Variants in IFT81 observed in about 807,000 individuals in gnomAD.
IFT81 encodes the protein intraflagellar transport 81.
In IFT81, 72 loss-of-function variants were observed where a neutral mutation model predicts 102.6. The observed-to-expected ratio is 0.70, with a 90% CI of 0.58 to 0.85. IFT81 has a LOEUF of 0.85. Among genes scored for constraint, IFT81 ranks in the 40% least tolerant of loss-of-function variants. The pLI, the probability that IFT81 is intolerant of heterozygous loss-of-function variation, is 0.00. For synonymous variants in IFT81, 237 were observed against 242.7 expected (o/e 0.98, Z 0.22); for missense variants, 723 against 787.3 (o/e 0.92, Z 0.98).
chr12:110,206,179 G>T (rs977233011), intron 17 of IFT81, among the ~76,000 whole-genome samples: 7 of 152,206 alleles, frequency 4.6e-5, no homozygotes, highest in Non-Finnish European at 8.8e-5. Context: ...TGTGCAGTGT[G>T]ATGACTGCAT....
chr12:110,203,748 G>A, intron 14 of IFT81, 116 bp from the exon 15 acceptor site: 1 of 703,046 alleles, frequency 1.4e-6, no homozygotes, highest in Non-Finnish European at 2.6e-6. Context: ...TAACTCTTAA[G>A]TATGCCAAGA....
intron 11 of IFT81, among the ~76,000 whole-genome samples, chr12:110,172,870 C>T (rs1170903396): frequency 1.3e-5 from 2 of 151,692 alleles, no homozygotes; most frequent in East Asian, 1.9e-4. Context: ...GTGAGGAGCC[C>T]CTCTGCCTGG....
Position 110,218,359 on chromosome 12 carries a change from T to C in IFT81, c.*133T>C. On this transcript the variant is annotated 3_prime_UTR_variant, in exon 19 of 19. Coordinates refer to ENST00000242591, the MANE Select transcript of IFT81 (RefSeq NM_014055.4). ...AGAGCCATTCTTTATTAAGTTTTCA[T>C]AGAAAATAATGTTAAGGTAGATTTA... 1.7e-6 allele frequency: 1 copy of C among 601,530 alleles called. No homozygotes were observed. 37.3% of individuals were successfully genotyped at this position (601,530 alleles called of 1,614,324 possible). A position where few individuals can be genotyped will look rare whatever the true frequency, so the allele number is the denominator to read the frequency against.
At chr12:110,187,829 C>T (rs1357850230) in intron 12 of IFT81, among the ~76,000 whole-genome samples, 1 of 151,976 alleles carries the variant, frequency 6.6e-6, no homozygotes, top group African/African-American at 2.4e-5. Context: ...GTTCTCGTAC[C>T]TGTGGTAGAG....
chr12:110,163,009 G>A lies in IFT81; in HGVS notation c.1132G>A (p.Val378Ile), dbSNP rs1262285148. 1.2e-6 allele frequency: 2 copies of A among 1,613,996 alleles called. No homozygotes were observed. Among genetic ancestry groups the A allele is most frequent in the Admixed American group, 1.7e-5 (1 of 60,012 alleles). ...AGCCAGCCTAGAGAGAGAAGCATCA[G>A]TAAAGAGAAATCAGACCCGTGAATT... Reference protein sequence around the residue: ...KLASLEREASVKRNQTREFDG... With the variant: ...KLASLEREASIKRNQTREFDG... Residue 378 changes from valine to isoleucine, a missense_variant, in exon 11 of 19, where the codon GTA becomes ATA. Val to Ile is a conservative substitution (Grantham distance 29). Coordinates refer to ENST00000242591, the MANE Select transcript of IFT81 (RefSeq NM_014055.4).
intron 11 of IFT81, among the ~76,000 whole-genome samples, chr12:110,166,197 A>T (rs956114107): frequency 4.6e-5 from 7 of 152,244 alleles, no homozygotes; most frequent in Non-Finnish European, 8.8e-5. Context: ...TAGTATTTGT[A>T]TATTTTTGTC....
intron 10 of IFT81, 64 bp downstream of exon 10, chr12:110,147,112 G>A (rs527830212): frequency 2.4e-6 from 3 of 1,244,106 alleles, no homozygotes; most frequent in South Asian, 3.0e-5. Context: ...CACTGGCTGT[G>A]TTATCTATAG....
chr12:110,207,819 C>G (rs1215930380), intron 17 of IFT81, among the ~76,000 whole-genome samples: 1 of 151,862 alleles, frequency 6.6e-6, no homozygotes, highest in Admixed American at 6.6e-5. Context: ...GCGCCCAGCC[C>G]CAGCCTTCAG....
At chr12:110,161,339 G>A (rs568874533) in intron 10 of IFT81, among the ~76,000 whole-genome samples, 1 of 151,464 alleles carries the variant, frequency 6.6e-6, no homozygotes, top group Admixed American at 6.6e-5. Context: ...GTAGAAACAG[G>A]GTTTTACCAT....
At chr12:110,197,009 G>A (rs1267812600) in intron 14 of IFT81, among the ~76,000 whole-genome samples, 1 of 151,908 alleles carries the variant, frequency 6.6e-6, no homozygotes, top group Non-Finnish European at 1.5e-5. Flanking sequence ...TACCAGCCTC[G>A]GCAACATAGC....
In IFT81 at chr12:110,218,129, T is replaced by G; in HGVS notation, c.1934T>G (p.Leu645Ter). Reference protein sequence around the residue: ...QAKMWRDLEQLMECKKQCFLK... With the variant: ...QAKMWRDLEQ Reference sequence around the variant, plus strand: ...AAAATGTGGCGTGATTTGGAACAATTAATGGAATGTAAGAAACAGTGCTTT... The same window carrying G: ...AAAATGTGGCGTGATTTGGAACAATGAATGGAATGTAAGAAACAGTGCTTT... The change falls in exon 19 of 19, where the codon TTA (leucine) becomes TGA (stop). Residue 645 changes from leucine (L) to a stop codon, truncating the protein, a stop_gained. Transcript: ENST00000242591. LOFTEE classifies it high-confidence loss of function. 1 of 1,600,012 alleles carries G rather than the reference T, an allele frequency of 6.2e-7. No homozygotes were observed. The highest frequency in any genetic ancestry group is 8.5e-7 in the Non-Finnish European group (1 of 1,176,230).
chr12:110,157,658 A>G (rs1216802901), intron 10 of IFT81, among the ~76,000 whole-genome samples: 3 of 152,264 alleles, frequency 2.0e-5, no homozygotes, highest in Admixed American at 1.3e-4. Context: ...CACAGTGCAT[A>G]TACTGGCCTA....
intron 14 of IFT81, among the ~76,000 whole-genome samples, chr12:110,193,166 C>A (rs891378127): frequency 6.6e-6 from 1 of 151,944 alleles, no homozygotes; most frequent in East Asian, 1.9e-4. Flanking sequence ...CTGTCTCCCA[C>A]CCCTCCCCCC....
chr12:110,186,605 C>G (rs1016227614), intron 12 of IFT81, among the ~76,000 whole-genome samples: 1 of 151,164 alleles, frequency 6.6e-6, no homozygotes, highest in African/African-American at 2.4e-5. Flanking sequence ...CCTCTACTTC[C>G]TGGGCTCAGG....
chr12:110,174,265 A>T, intron 11 of IFT81, among the ~76,000 whole-genome samples: 1 of 134,124 alleles, frequency 7.5e-6, no homozygotes, highest in Non-Finnish European at 1.6e-5. Flanking sequence ...GCGACAGAGC[A>T]AGACTCCGTC....
chr12:110,190,532 C>T (rs895887142), intron 12 of IFT81, among the ~76,000 whole-genome samples: 5 of 151,858 alleles, frequency 3.3e-5, no homozygotes, highest in Non-Finnish European at 4.4e-5. Flanking sequence ...TATTCACTGC[C>T]GTATACCTGG....
At chr12:110,212,109 CAT>C (rs1162855378) in intron 18 of IFT81, among the ~76,000 whole-genome samples, 35 of 152,072 alleles carry the variant, frequency 2.3e-4, no homozygotes, top group African/African-American at 8.2e-4. Flanking sequence ...TTATTAAAAA[CAT>C]ATGTGTGTCT....
At chr12:110,138,806 T>C (rs1168692832) in intron 8 of IFT81, among the ~76,000 whole-genome samples, 1 of 152,220 alleles carries the variant, frequency 6.6e-6, no homozygotes, top group Non-Finnish European at 1.5e-5. Flanking sequence ...TTGATTATAG[T>C]AGGATCAGTG....
intron 4 of IFT81, among the ~76,000 whole-genome samples, chr12:110,130,708 G>A (rs2137301884): frequency 6.6e-6 from 1 of 151,800 alleles, no homozygotes; most frequent in Non-Finnish European, 1.5e-5. Flanking sequence ...GTTGATGAAA[G>A]AATTAATGGT....
Sources: gnomAD v4.1 joint callset for allele counts (sites outside exome capture counted in the v4.1 genomes callset) on GRCh38, gnomAD v4.1.1 for gene constraint, MANE v1.5 for transcripts, NCBI Gene and HGNC (gene_info 2026-07-23, HGNC 2026-07-21) for gene names.